The following PSPH variants were observed in gnomAD, a reference collection of about 807,000 sequenced individuals.
The protein encoded by PSPH is phosphoserine phosphatase, also known as L-3-phosphoserine phosphatase.
A neutral mutation model predicts 23.4 loss-of-function variants in PSPH; 16 were observed. The ratio of observed to expected loss-of-function variants is 0.68; its 90% CI spans 0.46 to 1.04. The LOEUF (loss-of-function observed/expected upper bound fraction) is 1.04. Ranked by LOEUF, PSPH falls within the 50% of genes least tolerant of loss-of-function variation. PSPH has a pLI of 0.00. For missense variants in PSPH, 223 were observed against 273.7 expected, an observed-to-expected ratio of 0.81 and a Z score of 1.31; for synonymous variants, 68 against 99.7, an observed-to-expected ratio of 0.68 and a Z score of 1.89.
At chr7:56,034,891 T>A (rs1249713809) in intron 1 of PSPH, among the ~76,000 whole-genome samples, 3 of 150,698 alleles carry the variant, frequency 2.0e-5, no homozygotes, top group South Asian at 4.2e-4. Flanking sequence ...CTTTTATTTT[T>A]AATTTTTATT....
At chr7:56,045,228 G>C (rs769346644) in intron 1 of PSPH, among the ~76,000 whole-genome samples, 9 of 152,142 alleles carry the variant, frequency 5.9e-5, no homozygotes, top group Non-Finnish European at 1.3e-4. Context: ...AAATTGGCCA[G>C]GTGCAGTGGC....
At chr7:56,023,636 A>C (rs961137157) in intron 3 of PSPH, among the ~76,000 whole-genome samples, 1 of 152,040 alleles carries the variant, frequency 6.6e-6, no homozygotes, top group Non-Finnish European at 1.5e-5. Context: ...CCAGCCTCCT[A>C]TCAGAGACTA....
intron 3 of PSPH, among the ~76,000 whole-genome samples, chr7:56,031,658 C>A (rs1051717852): frequency 6.6e-6 from 1 of 151,970 alleles, no homozygotes; most frequent in Non-Finnish European, 1.5e-5. Flanking sequence ...ACTAAACATA[C>A]GAAAATTAGC....
chr7:56,050,837 A>T (rs1428597059), intron 1 of PSPH, among the ~76,000 whole-genome samples: 1 of 152,172 alleles, frequency 6.6e-6, no homozygotes, highest in Non-Finnish European at 1.5e-5. Context: ...TTTTCACTAC[A>T]TGCCCTTTGG....
intron 1 of PSPH, among the ~76,000 whole-genome samples, chr7:56,036,009 A>T (rs1190188021): frequency 6.6e-6 from 1 of 152,042 alleles, no homozygotes; most frequent in African/African-American, 2.4e-5. Flanking sequence ...TGGGTGTATC[A>T]TCTGAGGCCA....
chr7:56,026,821 T>C (rs1393904742), intron 3 of PSPH, among the ~76,000 whole-genome samples: 1 of 151,900 alleles, frequency 6.6e-6, no homozygotes, highest in Non-Finnish European at 1.5e-5. Flanking sequence ...GAATGAACCA[T>C]AGGTGAGTGA....
intron 1 of PSPH, among the ~76,000 whole-genome samples, chr7:56,050,520 C>A (rs1427350149): frequency 6.6e-6 from 1 of 152,144 alleles, no homozygotes; most frequent in Non-Finnish European, 1.5e-5. Flanking sequence ...CCCGCCTCAT[C>A]CTCCCAAAGT....
chr7:56,019,622 G>A lies in PSPH; in HGVS notation c.253C>T (p.Pro85Ser). ...QVQRLIAEQP[P>S]HLTPGIRELV... ...TACCTTATGCCGGGGGTCAGGTGTGGGGGTTGCTCTGCTATGAGTCTCTGC... is the reference window on the plus strand; with the variant it reads ...TACCTTATGCCGGGGGTCAGGTGTGAGGGTTGCTCTGCTATGAGTCTCTGC... Residue 85 changes from proline (P) to serine (S), a missense_variant, in exon 5 of 8, where the codon CCA (proline) becomes TCA (serine). Coordinates refer to ENST00000275605, the MANE Select transcript of PSPH (RefSeq NM_004577.4). 6.2e-7 allele frequency: 1 copy of A among 1,613,796 alleles called. No homozygotes were observed. Among genetic ancestry groups the A allele is most frequent in the Non-Finnish European group, 8.5e-7 (1 of 1,179,828 alleles).
At chr7:56,036,137 GA>G (rs2117000361) in intron 1 of PSPH, among the ~76,000 whole-genome samples, 1 of 152,094 alleles carries the variant, frequency 6.6e-6, no homozygotes, top group African/African-American at 2.4e-5. Context: ...TGAGGCAGAA[GA>G]ATCGTTTGAA....
intron 5 of PSPH, 149 bp downstream of exon 5, chr7:56,019,450 AT>A (rs1193182618): frequency 3.6e-6 from 4 of 1,113,140 alleles, no homozygotes; most frequent in Non-Finnish European, 4.9e-6. Flanking sequence ...AAAAAATACA[AT>A]TTAAAAAAAT....
chr7:56,044,311 G>A (rs1792947087), intron 1 of PSPH, among the ~76,000 whole-genome samples: 2 of 152,070 alleles, frequency 1.3e-5, no homozygotes, highest in African/African-American at 2.4e-5. Context: ...ATAGCAAAGG[G>A]AACTTCAGCA....
At chr7:56,039,707 T>G (rs549054987) in intron 1 of PSPH, among the ~76,000 whole-genome samples, 1 of 134,816 alleles carries the variant, frequency 7.4e-6, no homozygotes, top group Admixed American at 8.7e-5. Context: ...ACCCAGGAAG[T>G]GGAGGTTGCA....
intron 6 of PSPH, among the ~76,000 whole-genome samples, chr7:56,016,011 C>A (rs932482553): frequency 2.4e-4 from 36 of 151,966 alleles, no homozygotes; most frequent in African/African-American, 8.2e-4. Flanking sequence ...AGAGGAAATT[C>A]CAGCTTATTT....
rs76534914 is a variant in PSPH, at chr7:56,029,403, C to T, written c.-20+2526G>A. Reference sequence around the variant, plus strand: ...GACACAGCAGCTCCCAGGTCCCATCCGGACCACTGCCTTCTGCAGCTCAGA... The same window carrying T: ...GACACAGCAGCTCCCAGGTCCCATCTGGACCACTGCCTTCTGCAGCTCAGA... On this transcript the variant is annotated intron_variant, in intron 3 of 7. Transcript: ENST00000275605. 9.6e-3 allele frequency among the ~76,000 whole-genome samples: 1,446 copies of T among 151,146 alleles called. 12 individuals are homozygous for T. The highest frequency in any genetic ancestry group is 0.018 in the South Asian group (87 of 4,770).
At chr7:56,039,814 T>C (rs980169603) in intron 1 of PSPH, among the ~76,000 whole-genome samples, 31 of 126,072 alleles carry the variant, frequency 2.5e-4, no homozygotes, top group African/African-American at 9.4e-4. Context: ...AAAAACAATA[T>C]ATGGCTGGGC....
At chr7:56,022,921 G>C (rs2116721271) in intron 3 of PSPH, among the ~76,000 whole-genome samples, 1 of 152,226 alleles carries the variant, frequency 6.6e-6, no homozygotes, top group Non-Finnish European at 1.5e-5. Context: ...TAGCCGGGCA[G>C]GATGGCGTGC....
At chr7:56,021,472 GC>G (rs1181146362) in intron 3 of PSPH, among the ~76,000 whole-genome samples, 1 of 151,304 alleles carries the variant, frequency 6.6e-6, no homozygotes, top group Non-Finnish European at 1.5e-5. Flanking sequence ...AGGCTGGAGG[GC>G]AGTGGTACGA....
In PSPH at chr7:56,011,528, CAA is replaced by C. The variant is rs34727399; in HGVS notation, c.*232_*233del. On this transcript the variant is annotated 3_prime_UTR_variant, in exon 8 of 8. Coordinates refer to ENST00000275605, the MANE Select transcript of PSPH (RefSeq NM_004577.4). ...TGGGCAACAGAGCAAGATTCTGTCT[CAA>C]AAAAAAAAAAAACCTCTCCAGGAAA... 1,892 of 224,696 alleles carry C rather than the reference CAA, an allele frequency of 8.4e-3. No individual in the cohort carries two copies. The highest frequency in any genetic ancestry group is 0.019 in the East Asian group (185 of 9,626). The allele number at this position is 224,696 out of a possible 1,614,324, so 13.9% of individuals were successfully genotyped here.
At chr7:56,012,174 C>T (rs888929628) in intron 7 of PSPH, among the ~76,000 whole-genome samples, 1 of 151,500 alleles carries the variant, frequency 6.6e-6, no homozygotes, top group African/African-American at 2.4e-5. Context: ...TGCTCCACTG[C>T]ACCCATCTAA....
Sources: allele counts gnomAD v4.1 joint callset (sites outside exome capture counted in the v4.1 genomes callset), GRCh38; gene constraint gnomAD v4.1.1; transcripts MANE v1.5; gene names NCBI Gene and HGNC (gene_info 2026-07-23, HGNC 2026-07-21).